The following PLA2G3 variants were observed in gnomAD, a reference collection of about 807,000 sequenced individuals.
The protein encoded by PLA2G3 is group 3 secretory phospholipase A2.
In PLA2G3, 39 loss-of-function variants were observed where a neutral mutation model predicts 51.3. The observed-to-expected ratio is 0.76, with a 90% confidence interval of 0.59 to 0.99. The LOEUF (loss-of-function observed/expected upper bound fraction) is 0.99, where lower values mean the gene tolerates loss of function less well. PLA2G3 is among the 50% of genes least tolerant of loss of function. The probability of loss-of-function intolerance (pLI) is 0.00; values close to 1 mark genes in which losing one functional copy is unlikely to be tolerated. For missense variants in PLA2G3, 677 were observed against 662.1 expected (o/e 1.02, Z -0.25); for synonymous variants, 293 against 263.1 (o/e 1.11, Z -1.10).
rs1922834545 is a variant in PLA2G3 at position 31,140,375 on chromosome 22, TCAGA to T, written c.-25_-22del. 1.3e-6 allele frequency: 2 copies of T among 1,550,810 alleles called. No homozygotes were observed. The highest frequency in any genetic ancestry group is 1.7e-6 in the Non-Finnish European group (2 of 1,156,524). Reference sequence around the variant, plus strand: ...CCCATTCTGCACTGGCCCAGTCCAGTCAGACAAAGCCCCTGGGATGCCTGCCCTT... The same window carrying T: ...CCCATTCTGCACTGGCCCAGTCCAGTCAAAGCCCCTGGGATGCCTGCCCTT... On this transcript the variant is annotated 5_prime_UTR_variant, in exon 1 of 7. Transcript: ENST00000215885.
Position 31,137,044 on chromosome 22 carries a change from AG to A in PLA2G3, c.1067-5del, listed in dbSNP as rs1460393181. 6.5e-7 allele frequency: 1 copy of A among 1,529,378 alleles called. No homozygotes were observed. The highest frequency in any genetic ancestry group is 2.2e-5 in the Admixed American group (1 of 45,580). 94.7% of individuals were successfully genotyped at this position (1,529,378 alleles called of 1,614,324 possible). On this transcript the variant is annotated splice_region_variant and splice_polypyrimidine_tract_variant and intron_variant, in intron 4 of 6. Transcript: ENST00000215885. Reference sequence around the variant, plus strand: ...CTGCGGCAGACCCAGCGGGCACCTGAGGGGTGGATGTGGTGTTGATGGGAGC... The same window carrying A: ...CTGCGGCAGACCCAGCGGGCACCTGAGGGTGGATGTGGTGTTGATGGGAGC...
At position 31,138,229 on chromosome 22, in the gene PLA2G3, G is replaced by C. The variant is rs780670918; in HGVS notation, c.782+47C>G. On this transcript the variant is annotated intron_variant, in intron 3 of 6. Coordinates refer to ENST00000215885, the MANE Select transcript of PLA2G3 (RefSeq NM_015715.5). ...CTCTCCCTCACCAGGCTTGGAGCCTGGGCTCCCTCTCTGTCTGGAAAGGGA... is the reference window on the plus strand; with the variant it reads ...CTCTCCCTCACCAGGCTTGGAGCCTCGGCTCCCTCTCTGTCTGGAAAGGGA... The C allele has an allele frequency of 4.4e-6, 7 of 1,599,112 alleles. No homozygotes were observed. In the African/African-American group the frequency reaches 5.4e-5, roughly 12 times the overall value.
chr22:31,138,953 T>C (rs976261896), intron 1 of PLA2G3, among the ~76,000 whole-genome samples, 154 bp from the exon 2 acceptor site: 5 of 152,146 alleles, frequency 3.3e-5, no homozygotes, highest in Non-Finnish European at 7.4e-5. Flanking sequence ...TCACTCTCCC[T>C]TCTGTGGGAC....
Position 31,140,055 on chromosome 22 carries a change from G to A in PLA2G3, c.300C>T (p.Pro100=), listed in dbSNP as rs146541997. Residue 100 remains proline, a synonymous_variant, in exon 1 of 7, where the codon CCC becomes CCT. Transcript: ENST00000215885. ...ETAWGSFIHT[P]GPELQRALAT... The stretch of plus-strand genomic sequence containing the variant: ...CCAGTGCTCTCTGCAGCTCGGGTCC[G>A]GGGGTGTGGATGAAGGAGCCCCAGG... 79 of 1,613,408 alleles carry A rather than the reference G, an allele frequency of 4.9e-5. No individual in the cohort carries two copies. The highest frequency in any genetic ancestry group is 3.4e-4 in the Middle Eastern group (2 of 5,948).
intron 6 of PLA2G3, among the ~76,000 whole-genome samples, 158 bp from the exon 7 acceptor site, chr22:31,136,094 C>T (rs113068318): frequency 6.6e-5 from 10 of 152,308 alleles, no homozygotes; most frequent in African/African-American, 2.4e-4. Flanking sequence ...GTATAATAAA[C>T]CGGGCTGGTA....
In PLA2G3 at chr22:31,137,728, C is replaced by A. The variant is rs779329208; in HGVS notation, c.1048G>T (p.Gly350Cys). 4.4e-6 allele frequency: 7 copies of A among 1,608,546 alleles called. No individual in the cohort carries two copies. The highest frequency in any genetic ancestry group is 2.7e-5 in the African/African-American group (2 of 74,624). The change falls in exon 4 of 7, where the codon GGT becomes TGT. Residue 350 changes from glycine to cysteine, a missense_variant. By Grantham distance (159) the Gly-to-Cys change is radical. Coordinates refer to ENST00000215885, the MANE Select transcript of PLA2G3 (RefSeq NM_015715.5). ...VAPTGLQGPQ[G>C]GLKPQGARWV... is the part of the protein sequence containing the mutation. ...AGCTCACCCTGAGGTTTTAGGCCAC[C>A]CTGTGGGCCCTGGAGGCCTGTGGGG...
intron 1 of PLA2G3, among the ~76,000 whole-genome samples, chr22:31,139,374 C>T (rs1201742928): frequency 1.3e-5 from 2 of 152,232 alleles, no homozygotes; most frequent in African/African-American, 4.8e-5. Context: ...CATCCAGGTT[C>T]ACAGCCAGCC....
At chr22:31,137,504 G>C (rs2013874471) in intron 4 of PLA2G3, among the ~76,000 whole-genome samples, 1 of 152,222 alleles carries the variant, frequency 6.6e-6, no homozygotes, top group Non-Finnish European at 1.5e-5. Flanking sequence ...AGATAAAGAG[G>C]AGTGGTGGTG....
At position 31,136,692 on chromosome 22, in the gene PLA2G3, T is replaced by A; in HGVS notation, c.1307A>T (p.Glu436Val). The A allele has an allele frequency of 6.2e-7, 1 of 1,613,066 alleles. No individual in the cohort carries two copies. Among genetic ancestry groups the A allele is most frequent in the Non-Finnish European group, 8.5e-7 (1 of 1,179,516 alleles). ...CTCTGACATCACTTACTTTTTGCCT[T>A]CCACACAGTCCAGTGGAGGGGCCAG... ...FKLAPPLDCV[E>V]GKNCSRDPRA... Residue 436 changes from glutamate to valine, a missense_variant, in exon 6 of 7, where the codon GAA becomes GTA. Glu to Val is a moderately radical substitution (Grantham distance 121, BLOSUM62 -2). Transcript: ENST00000215885.
rs1451565626 is a variant in PLA2G3, at chr22:31,140,271, C to T, written c.84G>A (p.Arg28=). 2 of 1,612,106 alleles carry T rather than the reference C, an allele frequency of 1.2e-6. No individual in the cohort carries two copies. Among genetic ancestry groups the T allele is most frequent in the Non-Finnish European group, 1.7e-6 (2 of 1,179,936 alleles). The change falls in exon 1 of 7, where the codon AGG becomes AGA. Residue 28 remains arginine (R), a synonymous_variant. Coordinates refer to ENST00000215885, the MANE Select transcript of PLA2G3 (RefSeq NM_015715.5). ...CGGCCTTGGTCAAGTGGCAGGAGGTCCTGTACCAGCGGAGGGCAGGGGAGC... is the reference window on the plus strand; with the variant it reads ...CGGCCTTGGTCAAGTGGCAGGAGGTTCTGTACCAGCGGAGGGCAGGGGAGC... The part of the protein sequence containing the change: ...LGGSPALRWY[R]TSCHLTKAVP...
At chr22:31,138,246 G>A (rs762714233) in intron 3 of PLA2G3, 30 bp downstream of exon 3, 1 of 1,609,084 alleles carries the variant, frequency 6.2e-7, no homozygotes, top group East Asian at 2.2e-5. Context: ...CTCTCTGTCT[G>A]GAAAGGGACA....
intron 2 of PLA2G3, 23 bp from the exon 3 acceptor site, chr22:31,138,433 G>A: frequency 6.2e-7 from 1 of 1,611,652 alleles, no homozygotes. Context: ...AGATACCCAG[G>A]ACCCTGGGGC....
Position 31,138,309 on chromosome 22 carries a change from T to C in PLA2G3, c.749A>G (p.Gln250Arg). Residue 250 changes from glutamine to arginine, a missense_variant, in exon 3 of 7, where the codon CAG becomes CGG. Physicochemically the swap from Gln to Arg is conservative, Grantham distance 43. Transcript: ENST00000215885. The stretch of plus-strand genomic sequence containing the variant: ...CCAGTACCACGCCACACACGCCTCC[T>C]GCTCCTCCAGCACAAAGCAGGGGAT... ...LEIPCFVLEEQEACVAWYWWG... is the reference protein window; with the variant it reads ...LEIPCFVLEEREACVAWYWWG... The C allele has an allele frequency of 6.2e-7, 1 of 1,613,884 alleles. No homozygotes were observed. The highest frequency in any genetic ancestry group is 8.5e-7 in the Non-Finnish European group (1 of 1,179,972).
intron 3 of PLA2G3, 64 bp downstream of exon 3, chr22:31,138,212 C>T (rs983930242): frequency 2.5e-6 from 4 of 1,571,672 alleles, no homozygotes; most frequent in East Asian, 4.5e-5. Context: ...AGCTCTCCCT[C>T]ACCAGGCTTG....
Position 31,138,993 on chromosome 22 carries a change from G to A in PLA2G3, c.515-194C>T, listed in dbSNP as rs112202049. ...AGAGTTTCAAAGCTGGAAAAGAGAA[G>A]CCAAGCTGCAGCCTCTGTTGGGCAA... is the stretch of plus-strand genomic sequence containing the variant. On this transcript the variant is annotated intron_variant, in intron 1 of 6. Transcript: ENST00000215885. Among the ~76,000 whole-genome samples, 724 of 152,288 alleles carry A rather than the reference G, an allele frequency of 4.8e-3. 4 individuals carry two copies. The highest frequency in any genetic ancestry group is 0.016 in the African/African-American group (672 of 41,544).
In PLA2G3 at chr22:31,137,009, G is replaced by A. The variant is rs1361576677; in HGVS notation, c.1098C>T (p.Arg366=). 1 of 1,553,672 alleles carries A rather than the reference G, an allele frequency of 6.4e-7. No homozygotes were observed. Among genetic ancestry groups the A allele is most frequent in the Non-Finnish European group, 8.7e-7 (1 of 1,149,020 alleles). The change falls in exon 5 of 7, where the codon CGC becomes CGT. Residue 366 remains arginine (R), a synonymous_variant. Transcript: ENST00000215885. Reference sequence around the variant, plus strand: ...TCTGGTGCTCACACTGGTCCAGGTGGCGGCGGAAGCTGCGGCAGACCCAGC... The same window carrying A: ...TCTGGTGCTCACACTGGTCCAGGTGACGGCGGAAGCTGCGGCAGACCCAGC... The part of the protein sequence containing the change: ...GARWVCRSFR[R]HLDQCEHQIG...
chr22:31,137,820 T>C lies in PLA2G3; in HGVS notation c.956A>G (p.Lys319Arg), dbSNP rs1922670012. ...TGTGGTGTTGGCTTTGCTGGGGCGC[T>C]TGGACCCTTTCTGATGTGGTGGCCC... ...RKGPPHQKGS[K>R]RPSKANTTAL... The change falls in exon 4 of 7, where the codon AAG (lysine) becomes AGG (arginine). Residue 319 changes from lysine to arginine, a missense_variant. Physicochemically the swap from Lys to Arg is conservative, Grantham distance 26. Coordinates refer to ENST00000215885, the MANE Select transcript of PLA2G3 (RefSeq NM_015715.5). 1.2e-6 allele frequency: 2 copies of C among 1,614,082 alleles called. No homozygotes were observed. The highest frequency in any genetic ancestry group is 4.5e-5 in the East Asian group (2 of 44,868).
chr22:31,136,731 G>A lies in PLA2G3; in HGVS notation c.1268C>T (p.Thr423Ile). The A allele has an allele frequency of 6.2e-7, 1 of 1,613,466 alleles. No individual in the cohort carries two copies. Among genetic ancestry groups the A allele is most frequent in the Non-Finnish European group, 8.5e-7 (1 of 1,179,800 alleles). ...TGGAGGGGCCAGCTTGAAGCAGGTT[G>A]TGCCCAGCAGCTCCCAAAGCATGTT... ...VTNMLWELLGTTCFKLAPPLD... is the reference protein window; with the variant it reads ...VTNMLWELLGITCFKLAPPLD... Residue 423 changes from threonine to isoleucine, a missense_variant, in exon 6 of 7, where the codon ACA becomes ATA. Coordinates refer to ENST00000215885, the MANE Select transcript of PLA2G3 (RefSeq NM_015715.5).
chr22:31,136,558 A>G, intron 6 of PLA2G3, 125 bp downstream of exon 6: 1 of 748,792 alleles, frequency 1.3e-6, no homozygotes, highest in South Asian at 1.7e-5. Flanking sequence ...GGATGAGGCT[A>G]TGGATAGGAG....
Sources: allele counts gnomAD v4.1 joint callset (sites outside exome capture counted in the v4.1 genomes callset), GRCh38; gene constraint gnomAD v4.1.1; transcripts MANE v1.5; gene names NCBI Gene and HGNC (gene_info 2026-07-23, HGNC 2026-07-21).